Variants in RGS6 observed in about 807,000 individuals in gnomAD.
RGS6 encodes the protein regulator of G-protein signaling 6.
Under a neutral mutation model 78.5 loss-of-function variants are expected in RGS6, and 30 were observed. The observed-to-expected ratio is 0.38, with a 90% CI of 0.29 to 0.52. The LOEUF is 0.52. Among genes scored for constraint, RGS6 ranks in the 20% least tolerant of loss-of-function variants. RGS6 has a pLI of 0.85. For synonymous variants in RGS6, 206 were observed against 206.0 expected (o/e 1.00, Z 0.00); for missense variants, 495 against 609.7 (o/e 0.81, Z 1.98).
At chr14:71,876,362 G>C in the RGS6 span, among the ~76,000 whole-genome samples, 2 of 151,640 alleles carry the variant, frequency 1.3e-5, no homozygotes, top group South Asian at 2.1e-4. Flanking sequence ...AGGATAGTTA[G>C]CTCTTCTTGT....
At chr14:72,449,342 G>A (rs929895011) in intron 3 of RGS6, among the ~76,000 whole-genome samples, 2 of 152,168 alleles carry the variant, frequency 1.3e-5, no homozygotes, top group African/African-American at 4.8e-5. Context: ...AATTTTGCAG[G>A]TGATGGGAAC....
At chr14:72,165,753 AGTGTTTTTGCTC>A in intron 2 of RGS6, among the ~76,000 whole-genome samples, 1 of 152,256 alleles carries the variant, frequency 6.6e-6, no homozygotes, top group East Asian at 1.9e-4. Flanking sequence ...TCTTCCTGTC[AGTGTTTTTGCTC>A]GGAATCATTC....
intron 2 of RGS6, among the ~76,000 whole-genome samples, chr14:72,121,124 T>C (rs116836224): frequency 0.01 from 1,539 of 152,240 alleles, 21 homozygotes; most frequent in African/African-American, 0.034. Flanking sequence ...CAACACAGCA[T>C]CAAGGCTGGC....
intron 2 of RGS6, among the ~76,000 whole-genome samples, chr14:72,337,929 C>A (rs941613237): frequency 3.3e-5 from 5 of 152,208 alleles, no homozygotes. Context: ...CAGATAGATA[C>A]ATGCTTTATC....
chr14:72,566,904 C>G (rs539743517), downstream of RGS6, among the ~76,000 whole-genome samples: 36 of 152,258 alleles, frequency 2.4e-4, no homozygotes, highest in African/African-American at 8.2e-4. Context: ...AATAAGATCC[C>G]AGGGTCAAAG....
At chr14:72,567,022 G>A (rs552740270), downstream of RGS6, among the ~76,000 whole-genome samples, 208 of 152,320 alleles carry the variant, frequency 1.4e-3, 1 homozygote, top group African/African-American at 4.8e-3. Flanking sequence ...GAGCCTGAGC[G>A]TCAGGCTGAC....
At position 72,564,211 on chromosome 14, in the gene RGS6, A is replaced by C. The variant is rs188312323; in HGVS notation, c.*1744A>C. 235 of 152,262 alleles carry C rather than the reference A, an allele frequency of 1.5e-3. 1 individual carries two copies. Among genetic ancestry groups the C allele is most frequent in the African/African-American group, 5.4e-3 (225 of 41,536 alleles). 9.4% of individuals were successfully genotyped at this position (152,262 alleles called of 1,614,324 possible). Reference sequence around the variant, plus strand: ...GTTGTATCCTTGTGAGTTCTTGACTACCATGCCCAAGTTTCCCCCACTGGC... The same window carrying C: ...GTTGTATCCTTGTGAGTTCTTGACTCCCATGCCCAAGTTTCCCCCACTGGC... On this transcript the variant is annotated 3_prime_UTR_variant, in exon 18 of 18. Coordinates refer to ENST00000553525, the MANE Select transcript of RGS6 (RefSeq NM_001204424.2).
chr14:71,995,225 A>C (rs113702832), intron 2 of RGS6, among the ~76,000 whole-genome samples: 1,919 of 152,162 alleles, frequency 0.013, 35 homozygotes, highest in African/African-American at 0.044. Flanking sequence ...CTCATCCCCA[A>C]TTGAAAAAAA....
intron 3 of RGS6, among the ~76,000 whole-genome samples, chr14:72,356,518 G>C (rs2080327573): frequency 6.6e-6 from 1 of 152,166 alleles, no homozygotes; most frequent in Non-Finnish European, 1.5e-5. Flanking sequence ...CAGCACTGGA[G>C]ATGTGTGAAG....
chr14:72,062,180 A>G (rs918156855), intron 2 of RGS6, among the ~76,000 whole-genome samples: 2 of 152,250 alleles, frequency 1.3e-5, no homozygotes, highest in African/African-American at 4.8e-5. Flanking sequence ...GAGAAAAGCC[A>G]TGTGACTGCC....
chr14:72,342,828 G>A (rs184937278), intron 2 of RGS6, among the ~76,000 whole-genome samples: 21 of 151,844 alleles, frequency 1.4e-4, no homozygotes, highest in East Asian at 5.8e-4. Flanking sequence ...TGAAAATGGC[G>A]TGGAGGCAAT....
chr14:71,891,952 G>T, the RGS6 span, among the ~76,000 whole-genome samples: 9 of 152,078 alleles, frequency 5.9e-5, no homozygotes, highest in African/African-American at 2.2e-4. Context: ...GTCCTAATTT[G>T]CATGTAGAAT....
intron 4 of RGS6, among the ~76,000 whole-genome samples, chr14:72,456,945 G>A (rs995436132): frequency 3.3e-5 from 5 of 151,682 alleles, no homozygotes; most frequent in African/African-American, 9.7e-5. Flanking sequence ...TTAGACAGAC[G>A]TGGTGGCATG....
intron 2 of RGS6, among the ~76,000 whole-genome samples, chr14:72,191,250 T>A (rs943664817): frequency 1.3e-5 from 2 of 152,182 alleles, no homozygotes; most frequent in African/African-American, 2.4e-5. Context: ...TGCACTATTT[T>A]AAAAATGTTC....
At chr14:72,157,364 A>T (rs149681) in intron 2 of RGS6, among the ~76,000 whole-genome samples, 1 of 151,884 alleles carries the variant, frequency 6.6e-6, no homozygotes, top group Non-Finnish European at 1.5e-5. Flanking sequence ...AGTTCAGAAC[A>T]TTTGGGTTCC....
intron 2 of RGS6, among the ~76,000 whole-genome samples, chr14:71,993,497 G>A (rs896841835): frequency 6.6e-5 from 10 of 152,004 alleles, no homozygotes; most frequent in South Asian, 2.1e-4. Flanking sequence ...TTATTTCATC[G>A]GATCTTTGTG....
intron 2 of RGS6, among the ~76,000 whole-genome samples, chr14:72,136,912 C>G (rs767522948): frequency 4.6e-5 from 7 of 152,134 alleles, no homozygotes; most frequent in Non-Finnish European, 1.0e-4. Flanking sequence ...AATTTGAGAA[C>G]CTACTCCCTG....
At chr14:72,201,749 C>G (rs185299982) in intron 2 of RGS6, among the ~76,000 whole-genome samples, 2 of 152,152 alleles carry the variant, frequency 1.3e-5, no homozygotes, top group Non-Finnish European at 2.9e-5. Flanking sequence ...CACCTGCCAC[C>G]TGTTTCTATA....
At chr14:72,383,216 A>T (rs1157122291) in intron 3 of RGS6, among the ~76,000 whole-genome samples, 1 of 144,886 alleles carries the variant, frequency 6.9e-6, no homozygotes, top group African/African-American at 2.5e-5. Flanking sequence ...ATATATATAC[A>T]CACAAACACA....
Sources: gnomAD v4.1 joint callset for allele counts (sites outside exome capture counted in the v4.1 genomes callset) on GRCh38, gnomAD v4.1.1 for gene constraint, MANE v1.5 for transcripts, NCBI Gene and HGNC (gene_info 2026-07-23, HGNC 2026-07-21) for gene names.